Variants in SOX5 observed in about 807,000 individuals in gnomAD.
SOX5 encodes SRY-box transcription factor 5, also known as transcription factor SOX-5.
SOX5 carries 9 observed loss-of-function variants against 92.0 expected under a neutral mutation model. The ratio of observed to expected loss-of-function variants is 0.10; its 90% CI spans 0.06 to 0.17. SOX5 has a LOEUF of 0.17. Ranked by LOEUF, SOX5 falls within the 10% of genes least tolerant of loss-of-function variation. SOX5 has a pLI of 1.00. For synonymous variants in SOX5, 344 were observed against 336.3 expected (o/e 1.02, Z -0.25); for missense variants, 642 against 944.5 (o/e 0.68, Z 4.20).
chr12:23,867,383 A>C (rs189880001), intron 2 of SOX5, among the ~76,000 whole-genome samples: 373 of 152,270 alleles, frequency 2.4e-3, no homozygotes, highest in Non-Finnish European at 4.1e-3. Context: ...AGATTTAAGC[A>C]AAAATCACAC....
At chr12:24,341,707 C>T (rs181956453) in intron 2 of SOX5, among the ~76,000 whole-genome samples, 1 of 152,176 alleles carries the variant, frequency 6.6e-6, no homozygotes, top group Admixed American at 6.5e-5. Context: ...GAGAAACTGG[C>T]AGGATACAGT....
intron 4 of SOX5, among the ~76,000 whole-genome samples, chr12:24,130,185 G>C (rs1042163348): frequency 6.6e-6 from 1 of 152,152 alleles, no homozygotes; most frequent in African/African-American, 2.4e-5. Context: ...TAGCACATTT[G>C]AAAGCAGTGA....
intron 3 of SOX5, among the ~76,000 whole-genome samples, chr12:24,268,583 C>A (rs1347518588): frequency 6.6e-6 from 1 of 152,110 alleles, no homozygotes; most frequent in African/African-American, 2.4e-5. Flanking sequence ...TATTAAGAAA[C>A]AAAGGATGTA....
chr12:24,095,248 AG>A (rs1362107374), intron 4 of SOX5, among the ~76,000 whole-genome samples: 1 of 151,988 alleles, frequency 6.6e-6, no homozygotes, highest in African/African-American at 2.4e-5. Context: ...AGCAAGAGAA[AG>A]GAAAAAGAAG....
intron 4 of SOX5, among the ~76,000 whole-genome samples, chr12:24,076,022 T>C (rs1208360698): frequency 6.6e-6 from 1 of 152,056 alleles, no homozygotes; most frequent in African/African-American, 2.4e-5. Context: ...GGATGGAAAA[T>C]GAAAATGGTT....
chr12:23,740,833 G>T lies in SOX5; in HGVS notation c.741+34C>A, dbSNP rs1325246472. 3.8e-6 allele frequency: 6 copies of T among 1,565,044 alleles called. 1 individual carries two copies. In the African/African-American group the frequency reaches 6.8e-5, roughly 18 times the overall value. ...ATAAGTAGCAGGCAAAGTAATGTCTGAGGAATATGACTGCATCGCTAGTTC... is the reference window on the plus strand; with the variant it reads ...ATAAGTAGCAGGCAAAGTAATGTCTTAGGAATATGACTGCATCGCTAGTTC... On this transcript the variant is annotated intron_variant, in intron 5 of 14. Coordinates refer to ENST00000451604, the MANE Select transcript of SOX5 (RefSeq NM_006940.6).
intron 8 of SOX5, among the ~76,000 whole-genome samples, chr12:23,621,736 A>T (rs758936992): frequency 2.0e-5 from 3 of 152,128 alleles, no homozygotes; most frequent in Non-Finnish European, 2.9e-5. Flanking sequence ...CCAGATCCTA[A>T]ATCAACCAAA....
intron 4 of SOX5, among the ~76,000 whole-genome samples, chr12:24,198,343 T>C (rs762664040): frequency 6.6e-6 from 1 of 152,232 alleles, no homozygotes; most frequent in Non-Finnish European, 1.5e-5. Context: ...AACAGATATT[T>C]GGGAAGTGAT....
At chr12:23,715,889 ACTAT>A (rs891999501) in intron 6 of SOX5, among the ~76,000 whole-genome samples, 11 of 151,608 alleles carry the variant, frequency 7.3e-5, no homozygotes, top group African/African-American at 2.4e-4. Flanking sequence ...CCTTAATCTC[ACTAT>A]CTATTATCCA....
intron 3 of SOX5, among the ~76,000 whole-genome samples, chr12:24,215,272 A>G (rs1404746513): frequency 6.6e-6 from 1 of 152,154 alleles, no homozygotes; most frequent in Non-Finnish European, 1.5e-5. Flanking sequence ...AGAAACAGAA[A>G]GAAAAGGCAT....
chr12:24,282,676 C>T (rs2140428005), intron 2 of SOX5, among the ~76,000 whole-genome samples: 1 of 152,200 alleles, frequency 6.6e-6, no homozygotes, highest in Admixed American at 6.5e-5. Flanking sequence ...CACTTAGATC[C>T]ATTACACTTC....
chr12:23,620,023 A>C (rs561266244), intron 8 of SOX5, among the ~76,000 whole-genome samples: 1 of 152,286 alleles, frequency 6.6e-6, no homozygotes, highest in African/African-American at 2.4e-5. Context: ...AAAATACTAC[A>C]AAATAGAAGT....
chr12:23,720,973 T>C (rs1339711715), intron 6 of SOX5, among the ~76,000 whole-genome samples: 1 of 152,186 alleles, frequency 6.6e-6, no homozygotes, highest in Non-Finnish European at 1.5e-5. Context: ...GTTATAGGAC[T>C]TGGGGATGGC....
At chr12:23,619,426 A>G (rs999424793) in intron 8 of SOX5, among the ~76,000 whole-genome samples, 2 of 152,180 alleles carry the variant, frequency 1.3e-5, no homozygotes, top group African/African-American at 4.8e-5. Flanking sequence ...AAAGAGTAAA[A>G]GTCATCTGTC....
rs10627494 is a variant in SOX5, at chr12:24,331,848, C to CAAAAAAAAAAAA, written c.-174+36703_-174+36714dup. 2.5e-4 allele frequency among the ~76,000 whole-genome samples: 8 copies of CAAAAAAAAAAAA among 31,656 alleles called. 1 individual carries two copies. Among genetic ancestry groups the CAAAAAAAAAAAA allele is most frequent in the East Asian group, 8.1e-4 (1 of 1,228 alleles). The allele number at this position is 31,656 out of a possible 152,430, so 20.8% of individuals were successfully genotyped here. On this transcript the variant is annotated intron_variant, in intron 2 of 4. Transcript: ENST00000446891. Reference sequence around the variant, plus strand: ...GCCTGGGAACAGAGCAAGACTGTCTCAAAAAAAAAAAAAAAAAAAAAAAAA... The same window carrying CAAAAAAAAAAAA: ...GCCTGGGAACAGAGCAAGACTGTCTCAAAAAAAAAAAAAAAAAAAAAAAAAAAAAAAAAAAAA...
intron 5 of SOX5, among the ~76,000 whole-genome samples, chr12:23,736,751 C>T (rs55808599): frequency 3.6e-4 from 53 of 146,922 alleles, no homozygotes; most frequent in Admixed American, 2.0e-3. Flanking sequence ...AGTGCAATGG[C>T]GCGATCTCAG....
intron 10 of SOX5, among the ~76,000 whole-genome samples, chr12:23,571,938 A>C (rs1173290642): frequency 6.6e-6 from 1 of 152,214 alleles, no homozygotes; most frequent in Non-Finnish European, 1.5e-5. Context: ...TTTGAAAAAA[A>C]AGTTAAAAGT....
At chr12:24,501,342 G>A (rs4963768) in intron 1 of SOX5, among the ~76,000 whole-genome samples, 41,171 of 148,630 alleles carry the variant, frequency 0.28, 6,765 homozygotes, top group East Asian at 0.71. Context: ...AGATATGTGC[G>A]TTTGGGTAGT....
At chr12:24,204,473 T>G (rs929176465) in intron 4 of SOX5, among the ~76,000 whole-genome samples, 1 of 151,892 alleles carries the variant, frequency 6.6e-6, no homozygotes, top group Non-Finnish European at 1.5e-5. Flanking sequence ...GGATTATGGG[T>G]GGCCACTACC....
Sources: gnomAD v4.1 joint callset for allele counts (sites outside exome capture counted in the v4.1 genomes callset) on GRCh38, gnomAD v4.1.1 for gene constraint, MANE v1.5 for transcripts, NCBI Gene and HGNC (gene_info 2026-07-23, HGNC 2026-07-21) for gene names.